F3: variants seen among roughly 807,000 people sequenced by gnomAD.
The protein encoded by F3 is tissue factor.
In F3, 18 loss-of-function variants were observed where a neutral mutation model predicts 33.5. The observed-to-expected ratio is 0.54, with a 90% confidence interval of 0.37 to 0.80. F3 has a LOEUF of 0.80. Among genes scored for constraint, F3 ranks in the 30% least tolerant of loss-of-function variants. The probability of loss-of-function intolerance (pLI) is 0.00; values close to 1 mark genes in which losing one functional copy is unlikely to be tolerated. For missense variants in F3, 353 were observed against 362.1 expected, an observed-to-expected ratio of 0.97 and a Z score of 0.20; for synonymous variants, 147 against 140.7, an observed-to-expected ratio of 1.05 and a Z score of -0.32.
chr1:94,531,794 A>G (rs1292832673), intron 5 of F3, among the ~76,000 whole-genome samples: 1 of 152,070 alleles, frequency 6.6e-6, no homozygotes, highest in Non-Finnish European at 1.5e-5. Flanking sequence ...GCATGTACAC[A>G]CACGTGTCCG....
chr1:94,532,900 G>C (rs539949496), intron 4 of F3, 190 bp downstream of exon 4: 4 of 624,374 alleles, frequency 6.4e-6, no homozygotes, highest in African/African-American at 5.6e-5. Flanking sequence ...AGAGTCACAG[G>C]GTAGTGCAGA....
At chr1:94,540,644 T>C (rs1156627951) in intron 1 of F3, 6 of 357,442 alleles carry the variant, frequency 1.7e-5, no homozygotes, top group African/African-American at 1.1e-4. Flanking sequence ...AGCCTTGTTA[T>C]AACTTGACCG....
At position 94,541,679 on chromosome 1, in the gene F3, C is replaced by A; in HGVS notation, c.-43G>T. 1.5e-6 allele frequency: 2 copies of A among 1,310,322 alleles called. No individual in the cohort carries two copies. Among genetic ancestry groups the A allele is most frequent in the East Asian group, 2.9e-5 (1 of 34,080 alleles). 81.2% of individuals were successfully genotyped at this position (1,310,322 alleles called of 1,614,324 possible). A position where few individuals can be genotyped will look rare whatever the true frequency, so the allele number is the denominator to read the frequency against. ...GAGATCGAGCGGGTTCCGTGGCGCCCGTGGGGCTGGGGAGGTTGGGCTGAA... is the reference window on the plus strand; with the variant it reads ...GAGATCGAGCGGGTTCCGTGGCGCCAGTGGGGCTGGGGAGGTTGGGCTGAA... On this transcript the variant is annotated 5_prime_UTR_variant, in exon 1 of 6. Transcript: ENST00000334047.
intron 3 of F3, among the ~76,000 whole-genome samples, chr1:94,534,137 G>A (rs1340811941): frequency 6.6e-6 from 1 of 152,124 alleles, no homozygotes; most frequent in Non-Finnish European, 1.5e-5. Flanking sequence ...AAAGTTCTGA[G>A]ATTACAGGCA....
intron 2 of F3, among the ~76,000 whole-genome samples, chr1:94,537,262 C>T (rs754944233): frequency 3.3e-5 from 5 of 152,156 alleles, no homozygotes; most frequent in South Asian, 2.1e-4. Flanking sequence ...ATAGGTGAAG[C>T]GTCACTGCAA....
rs1162141094 is a variant in F3, at chr1:94,529,703, CAT to C, written c.*755_*756del. 3 of 152,136 alleles carry C rather than the reference CAT, an allele frequency of 2.0e-5. No homozygotes were observed. The highest frequency in any genetic ancestry group is 2.9e-5 in the Non-Finnish European group (2 of 68,008). The allele number at this position is 152,136 out of a possible 1,614,324, so 9.4% of individuals were successfully genotyped here. ...AAGAACCTAAACACTATATTATAGA[CAT>C]ATGTTAGAAAAGTCCTAGAAATGCA... is the stretch of plus-strand genomic sequence containing the variant. On this transcript the variant is annotated 3_prime_UTR_variant, in exon 6 of 6. Transcript: ENST00000334047.
rs755021293 is a variant in F3, at chr1:94,536,022, C to T, written c.355G>A (p.Gly119Ser). 13 of 1,613,988 alleles carry T rather than the reference C, an allele frequency of 8.1e-6. No homozygotes were observed. The East Asian group carries it at 1.3e-4, about 17-fold the overall frequency. ...TCATACAGAGGCTCCCCAGCAGAACCGGTGCTCTCCACATTCCCTGCCGGG... is the reference window on the plus strand; with the variant it reads ...TCATACAGAGGCTCCCCAGCAGAACTGGTGCTCTCCACATTCCCTGCCGGG... ...SYPAGNVEST[G>S]SAGEPLYENS... The change falls in exon 3 of 6, where the codon GGT becomes AGT. Residue 119 changes from glycine (G) to serine (S), a missense_variant. By Grantham distance (56) the Gly-to-Ser change is moderately conservative. Transcript: ENST00000334047.
intron 2 of F3, among the ~76,000 whole-genome samples, chr1:94,536,381 C>T (rs577154558): frequency 4.1e-4 from 62 of 152,230 alleles, no homozygotes; most frequent in African/African-American, 1.5e-3. Context: ...CCTTCTGCTT[C>T]GGCCTCCCAA....
intron 4 of F3, among the ~76,000 whole-genome samples, chr1:94,532,821 G>A (rs760071779): frequency 2.0e-5 from 3 of 152,108 alleles, no homozygotes; most frequent in Non-Finnish European, 4.4e-5. Flanking sequence ...TGAGCATGGC[G>A]GGACCTTTAG....
intron 1 of F3, 41 bp downstream of exon 1, chr1:94,541,496 G>A (rs1187924831): frequency 4.3e-6 from 6 of 1,400,348 alleles, no homozygotes; most frequent in Non-Finnish European, 5.6e-6. Context: ...TCCCTCCTGC[G>A]TGTGGCGCGC....
At chr1:94,539,322 A>G (rs1463096066) in intron 2 of F3, among the ~76,000 whole-genome samples, 1 of 152,086 alleles carries the variant, frequency 6.6e-6, no homozygotes, top group Non-Finnish European at 1.5e-5. Flanking sequence ...ACTGTCATGA[A>G]GTTCATTTTG....
intron 1 of F3, chr1:94,541,136 G>T (rs1034398973): frequency 1.1e-5 from 2 of 176,926 alleles, no homozygotes; most frequent in Admixed American, 6.3e-5. Flanking sequence ...TATAATGAAA[G>T]ATAATATCCA....
chr1:94,538,886 AGCTGTAGCCCTGCGCTCT>A (rs1463047199), intron 2 of F3, among the ~76,000 whole-genome samples: 1 of 152,154 alleles, frequency 6.6e-6, no homozygotes, highest in African/African-American at 2.4e-5. Flanking sequence ...GCATCCCCCA[AGCTGTAGCCCTGCGCTCT>A]GCTGTTTGCA....
Position 94,541,758 on chromosome 1 carries a change from T to G in F3, c.-122A>C, listed in dbSNP as rs1269030053. The G allele has an allele frequency of 4.0e-6, 2 of 504,948 alleles. No individual in the cohort carries two copies. The highest frequency in any genetic ancestry group is 3.1e-6 in the Non-Finnish European group (1 of 319,364). 31.3% of individuals were successfully genotyped at this position (504,948 alleles called of 1,614,324 possible). On this transcript the variant is annotated 5_prime_UTR_variant, in exon 1 of 6. Coordinates refer to ENST00000334047, the MANE Select transcript of F3 (RefSeq NM_001993.5). ...GAGGGGGTGCGGGGAGCTCGCAGTC[T>G]TGGGGAGCCGGTGCCCCGCGCGCTA...
chr1:94,540,761 C>T (rs993914236), intron 1 of F3: 9 of 183,356 alleles, frequency 4.9e-5, no homozygotes, highest in African/African-American at 2.1e-4. Flanking sequence ...AAGATAAATC[C>T]CACACGTGTG....
Position 94,530,350 on chromosome 1 carries a change from G to A in F3, c.*110C>T, listed in dbSNP as rs1651381831. The A allele has an allele frequency of 7.1e-7, 1 of 1,410,380 alleles. No individual in the cohort carries two copies. Among genetic ancestry groups the A allele is most frequent in the African/African-American group, 1.4e-5 (1 of 70,456 alleles). 87.4% of individuals were successfully genotyped at this position (1,410,380 alleles called of 1,614,324 possible). A position where few individuals can be genotyped will look rare whatever the true frequency, so the allele number is the denominator to read the frequency against. ...CATATCAAGAGTTTTTTGAACTCCAGGGTCTTCATGCTCCGAAATACTCAT... is the reference window on the plus strand; with the variant it reads ...CATATCAAGAGTTTTTTGAACTCCAAGGTCTTCATGCTCCGAAATACTCAT... On this transcript the variant is annotated 3_prime_UTR_variant, in exon 6 of 6. Coordinates refer to ENST00000334047, the MANE Select transcript of F3 (RefSeq NM_001993.5).
chr1:94,530,526 T>A lies in F3; in HGVS notation c.822A>T (p.Leu274=). The A allele has an allele frequency of 6.2e-7, 1 of 1,614,064 alleles. No individual in the cohort carries two copies. Among genetic ancestry groups the A allele is most frequent in the South Asian group, 1.1e-5 (1 of 91,080 alleles). The change falls in exon 6 of 6, where the codon CTA becomes CTT. Residue 274 remains leucine (L), a synonymous_variant. Transcript: ENST00000334047. ...CCACTCCTGCCTTTCTACACTTGTG[T>A]AGAGATATAGCCAGGATGATGACAA... ...IILVIILAIS[L]HKCRKAGVGQ... is the part of the protein sequence containing the mutation.
At chr1:94,533,548 A>G (rs1651498405) in intron 3 of F3, among the ~76,000 whole-genome samples, 1 of 152,200 alleles carries the variant, frequency 6.6e-6, no homozygotes, top group Admixed American at 6.5e-5. Flanking sequence ...ATTAATTTTA[A>G]TAATATATTT....
In F3 at chr1:94,529,714, A is replaced by G. The variant is rs1651358417; in HGVS notation, c.*746T>C. 6.6e-6 allele frequency: 1 copy of G among 152,286 alleles called. No individual in the cohort carries two copies. Among genetic ancestry groups the G allele is most frequent in the Admixed American group, 6.5e-5 (1 of 15,280 alleles). The allele number at this position is 152,286 out of a possible 1,614,324, so 9.4% of individuals were successfully genotyped here. ...CACTATATTATAGACATATGTTAGAAAAGTCCTAGAAATGCACCCAATTTC... is the reference window on the plus strand; with the variant it reads ...CACTATATTATAGACATATGTTAGAGAAGTCCTAGAAATGCACCCAATTTC... On this transcript the variant is annotated 3_prime_UTR_variant, in exon 6 of 6. Coordinates refer to ENST00000334047, the MANE Select transcript of F3 (RefSeq NM_001993.5).
Sources: allele counts gnomAD v4.1 joint callset (sites outside exome capture counted in the v4.1 genomes callset), GRCh38; gene constraint gnomAD v4.1.1; transcripts MANE v1.5; gene names NCBI Gene and HGNC (gene_info 2026-07-23, HGNC 2026-07-21).